The following MYH14 variants were observed in gnomAD, a reference collection of about 807,000 sequenced individuals.
The protein encoded by MYH14 is myosin-14.
MYH14 carries 123 observed loss-of-function variants against 255.5 expected under a neutral mutation model. The observed-to-expected ratio is 0.48, with a 90% CI of 0.42 to 0.56. MYH14 has a LOEUF of 0.56. Ranked by LOEUF, MYH14 falls within the 20% of genes least tolerant of loss-of-function variation. The pLI, the probability that MYH14 is intolerant of heterozygous loss-of-function variation, is 0.00. For missense variants in MYH14, 2,423 were observed against 2,802.3 expected, an observed-to-expected ratio of 0.86 and a Z score of 3.06; for synonymous variants, 1,095 against 1,161.2, an observed-to-expected ratio of 0.94 and a Z score of 1.16.
rs114034862 is a variant in MYH14 at position 50,300,799 on chromosome 19, T to G, written c.5470-862T>G. ...ATTAGCAGGGGTGATGGTGTACGCC[T>G]GTGATCTCATCTACTCAGGAGGCTG... On this transcript the variant is annotated intron_variant, in intron 39 of 42. Transcript: ENST00000642316. Among the ~76,000 whole-genome samples the G allele has an allele frequency of 4.8e-3, 738 of 152,266 alleles. 10 individuals are homozygous for G. The highest frequency in any genetic ancestry group is 0.017 in the African/African-American group (715 of 41,548).
chr19:50,236,475 C>G (rs1282726318), intron 10 of MYH14, among the ~76,000 whole-genome samples: 1 of 151,920 alleles, frequency 6.6e-6, no homozygotes, highest in Non-Finnish European at 1.5e-5. Flanking sequence ...TTTGGGAGGC[C>G]GAGGCAGGCG....
chr19:50,285,391 C>T (rs1055167041), intron 33 of MYH14: 26 of 152,184 alleles, frequency 1.7e-4, no homozygotes, highest in African/African-American at 5.8e-4. Context: ...AGGGTATATA[C>T]GTCCATTGAA....
rs368708096 is a variant in MYH14 at position 50,309,067 on chromosome 19, G to A, written c.5850G>A (p.Glu1950=). The change falls in exon 42 of 43, where the codon GAG becomes GAA. Residue 1950 remains glutamate (E), a synonymous_variant. Coordinates refer to ENST00000642316, the MANE Select transcript of MYH14 (RefSeq NM_001145809.2). ...LKRQLEEAEE[E]ASRAQAGRRR... ...GGCAGCTGGAGGAGGCCGAGGAGGA[G>A]GCATCCCGGGCTCAGGCCGGCCGCC... 75 of 1,613,874 alleles carry A rather than the reference G, an allele frequency of 4.6e-5. No individual in the cohort carries two copies. In the African/African-American group the frequency reaches 8.9e-4, roughly 19 times the overall value.
At chr19:50,299,062 G>A (rs2036384693) in intron 39 of MYH14, among the ~76,000 whole-genome samples, 1 of 152,042 alleles carries the variant, frequency 6.6e-6, no homozygotes, top group Admixed American at 6.6e-5. Context: ...CTGCACTCCA[G>A]TTTGGACAAG....
chr19:50,225,437 C>G, intron 6 of MYH14, 148 bp from the exon 7 acceptor site: 1 of 612,622 alleles, frequency 1.6e-6, no homozygotes, highest in East Asian at 2.8e-5. Flanking sequence ...GGGCAAGACC[C>G]GGATATGGGA....
chr19:50,276,693 C>T lies in MYH14; in HGVS notation c.3681-64C>T. The T allele has an allele frequency of 1.2e-6, 2 of 1,605,730 alleles. No homozygotes were observed. Among genetic ancestry groups the T allele is most frequent in the African/African-American group, 1.3e-5 (1 of 74,732 alleles). On this transcript the variant is annotated intron_variant, in intron 28 of 42. Transcript: ENST00000642316. The surrounding 1 kb of genome is among the most constrained non-coding windows in gnomAD (Gnocchi z 4.3). ...ACATGAAAAGGAGAAACAACCAGCTCCCCCAAAGCCCCTGCCTTCCTCTGC... is the reference window on the plus strand; with the variant it reads ...ACATGAAAAGGAGAAACAACCAGCTTCCCCAAAGCCCCTGCCTTCCTCTGC...
chr19:50,297,064 C>T (rs1364532105), intron 39 of MYH14, among the ~76,000 whole-genome samples: 2 of 151,974 alleles, frequency 1.3e-5, no homozygotes, highest in South Asian at 2.1e-4. Flanking sequence ...TGGCTCACTG[C>T]AACCTCTGCC....
chr19:50,283,229 C>T (rs546923678), intron 33 of MYH14, among the ~76,000 whole-genome samples: 2 of 152,040 alleles, frequency 1.3e-5, no homozygotes, highest in African/African-American at 4.8e-5. Flanking sequence ...AAGCGATTCT[C>T]GTGCCTCAGC....
chr19:50,276,283 C>A lies in MYH14; in HGVS notation c.3680+80C>A. 1.0e-5 allele frequency: 11 copies of A among 1,092,354 alleles called. No homozygotes were observed. Among genetic ancestry groups the A allele is most frequent in the Non-Finnish European group, 1.4e-5 (11 of 778,528 alleles). 67.7% of individuals were successfully genotyped at this position (1,092,354 alleles called of 1,614,324 possible). On this transcript the variant is annotated intron_variant, in intron 28 of 42. Transcript: ENST00000642316. The surrounding 1 kb of genome is among the most constrained non-coding windows in gnomAD (Gnocchi z 4.3). ...AAGGACTTAGGTACAAAGTCTCTGT[C>A]TATACAGAGGCTTACTTATTGTACA...
In MYH14 at chr19:50,213,387, C is replaced by G. The variant is rs1389792255; in HGVS notation, c.405+2617C>G. Among the ~76,000 whole-genome samples, 5 of 152,148 alleles carry G rather than the reference C, an allele frequency of 3.3e-5. No homozygotes were observed. In the East Asian group the frequency reaches 9.6e-4, roughly 29 times the overall value. On this transcript the variant is annotated intron_variant, in intron 2 of 42. Coordinates refer to ENST00000642316, the MANE Select transcript of MYH14 (RefSeq NM_001145809.2). Reference sequence around the variant, plus strand: ...TGAACATAAGCCCCACAACTAGGAACCAGCTAAGCTAGAACTTGAAACCAG... The same window carrying G: ...TGAACATAAGCCCCACAACTAGGAAGCAGCTAAGCTAGAACTTGAAACCAG...
At position 50,259,197 on chromosome 19, in the gene MYH14, C is replaced by T. The variant is rs2034725445; in HGVS notation, c.2286C>T (p.Val762=). 1.6e-5 allele frequency: 26 copies of T among 1,579,738 alleles called. No homozygotes were observed. Among genetic ancestry groups the T allele is most frequent in the Non-Finnish European group, 2.2e-5 (26 of 1,162,344 alleles). The part of the protein sequence containing the change: ...LVLDQLRCNG[V]LEGIRICRQG... ...TGGACCAGCTTCGCTGCAACGGGGT[C>T]CTGGAGGGCATCCGCATCTGTCGCC... The change falls in exon 19 of 43, where the codon GTC becomes GTT. Residue 762 remains valine (V), a synonymous_variant. Coordinates refer to ENST00000642316, the MANE Select transcript of MYH14 (RefSeq NM_001145809.2).
intron 10 of MYH14, among the ~76,000 whole-genome samples, chr19:50,234,189 C>T (rs1471820073): frequency 2.0e-5 from 3 of 152,136 alleles, no homozygotes; most frequent in African/African-American, 7.2e-5. Flanking sequence ...CCAATACTGT[C>T]ACATTCTGAG....
chr19:50,210,749 G>A lies in MYH14; in HGVS notation c.384G>A (p.Arg128=). The change falls in exon 2 of 43, where the codon CGG becomes CGA. Residue 128 remains arginine, a synonymous_variant. Transcript: ENST00000642316. The part of the protein sequence containing the change: ...EASVLHNLRE[R]YYSGLIYTYS... ...CGGTCCTGCACAACCTCCGGGAGCG[G>A]TACTACTCCGGCCTCATCTACGTGA... The A allele has an allele frequency of 6.3e-7, 1 of 1,579,010 alleles. No homozygotes were observed. Among genetic ancestry groups the A allele is most frequent in the Non-Finnish European group, 8.6e-7 (1 of 1,163,338 alleles).
chr19:50,250,711 G>A lies in MYH14; in HGVS notation c.1830+23G>A, dbSNP rs755334054. On this transcript the variant is annotated intron_variant, in intron 15 of 42. Transcript: ENST00000642316. This position sits in a 1 kb window ranked among gnomAD's most constrained non-coding sequence, Gnocchi z 5.4. ...AAGGTAGGGGCTGGGGCCGGCCTTG[G>A]GGCATGTGGGAGTGGGGATCAAGGG... 6 of 1,596,734 alleles carry A rather than the reference G, an allele frequency of 3.8e-6. No homozygotes were observed. The highest frequency in any genetic ancestry group is 4.3e-6 in the Non-Finnish European group (5 of 1,167,748).
At chr19:50,207,137 A>T (rs570568403) in intron 1 of MYH14, among the ~76,000 whole-genome samples, 94 of 147,154 alleles carry the variant, frequency 6.4e-4, no homozygotes, top group African/African-American at 2.4e-3. Flanking sequence ...AAGTGAGAGG[A>T]TCACTTGAAC....
intron 8 of MYH14, among the ~76,000 whole-genome samples, chr19:50,228,520 G>A (rs537122741): frequency 6.6e-6 from 1 of 152,176 alleles, no homozygotes; most frequent in East Asian, 1.9e-4. Context: ...CCTTGTGGGA[G>A]ATGCTTCCTG....
intron 5 of MYH14, 112 bp from the exon 6 acceptor site, chr19:50,224,042 C>A: frequency 1.4e-6 from 1 of 730,602 alleles, no homozygotes; most frequent in South Asian, 1.7e-5. Context: ...TCCCCAGTCC[C>A]CCTTCCCCCA....
chr19:50,296,605 T>C (rs957648862), intron 39 of MYH14, among the ~76,000 whole-genome samples: 4 of 151,946 alleles, frequency 2.6e-5, no homozygotes, highest in Non-Finnish European at 5.9e-5. Flanking sequence ...AGACCCTGTC[T>C]CAAAAAAAAG....
intron 3 of MYH14, among the ~76,000 whole-genome samples, chr19:50,219,013 T>TA (rs944519538): frequency 2.3e-5 from 1 of 42,688 alleles, no homozygotes; most frequent in Non-Finnish European, 1.1e-4. Flanking sequence ...TATATATATA[T>TA]TTTTTATATA....
Sources: allele counts gnomAD v4.1 joint callset (sites outside exome capture counted in the v4.1 genomes callset), GRCh38; gene constraint gnomAD v4.1.1; non-coding constraint Gnocchi (gnomAD v3.1); transcripts MANE v1.5; gene names NCBI Gene and HGNC (gene_info 2026-07-23, HGNC 2026-07-21).